Variants in ZNF471 observed in about 807,000 individuals in gnomAD.
ZNF471 encodes the protein zinc finger protein 471.
A neutral mutation model predicts 13.7 loss-of-function variants in ZNF471; 7 were observed. The ratio of observed to expected loss-of-function variants is 0.51; its 90% CI spans 0.29 to 0.96. The LOEUF is 0.96. ZNF471 is among the 40% of genes least tolerant of loss of function. ZNF471 has a pLI of 0.08. For synonymous variants in ZNF471, 218 were observed against 235.6 expected (o/e 0.93, Z 0.68); for missense variants, 663 against 743.3 (o/e 0.89, Z 1.26).
rs1051570694 is a variant in ZNF471, at chr19:56,526,280, C to A, written c.*332C>A. On this transcript the variant is annotated 3_prime_UTR_variant, in exon 5 of 5. Coordinates refer to ENST00000308031, the MANE Select transcript of ZNF471 (RefSeq NM_020813.4). ...TGCAAGGAGTCGGGGATCTCCCTCC[C>A]CTAGCCAAGGGAAGCCATGAGGGAC... The A allele has an allele frequency of 4.5e-6, 1 of 222,780 alleles. No homozygotes were observed. Among genetic ancestry groups the A allele is most frequent in the African/African-American group, 2.3e-5 (1 of 43,942 alleles). 13.8% of individuals were successfully genotyped at this position (222,780 alleles called of 1,614,324 possible).
chr19:56,512,208 C>T (rs904590087), intron 2 of ZNF471, among the ~76,000 whole-genome samples: 1 of 150,044 alleles, frequency 6.7e-6, no homozygotes, highest in African/African-American at 2.5e-5. Context: ...AGAAGTTATT[C>T]TCACCATGTA....
Position 56,516,412 on chromosome 19 carries a change from T to C in ZNF471, c.160+11T>C. 1 of 1,608,382 alleles carries C rather than the reference T, an allele frequency of 6.2e-7. No homozygotes were observed. Among genetic ancestry groups the C allele is most frequent in the Non-Finnish European group, 8.5e-7 (1 of 1,177,750 alleles). On this transcript the variant is annotated intron_variant, in intron 3 of 4. Transcript: ENST00000308031. This position sits in a 1 kb window ranked among gnomAD's most constrained non-coding sequence, Gnocchi z 4.4. The stretch of plus-strand genomic sequence containing the variant: ...GCCTGGTATCACTTGGTGAGGATCT[T>C]TTCCCTCCTGCATAATCTACCTTTA...
Position 56,508,076 on chromosome 19 carries a change from A to C in ZNF471, c.-56+156A>C, listed in dbSNP as rs1168477109. The C allele has an allele frequency of 1.0e-6, 1 of 985,172 alleles. No individual in the cohort carries two copies. Among genetic ancestry groups the C allele is most frequent in the African/African-American group, 1.7e-5 (1 of 57,238 alleles). The allele number at this position is 985,172 out of a possible 1,614,324, so 61.0% of individuals were successfully genotyped here. On this transcript the variant is annotated intron_variant, in intron 1 of 4. Coordinates refer to ENST00000308031, the MANE Select transcript of ZNF471 (RefSeq NM_020813.4). The surrounding 1 kb of genome is among the most constrained non-coding windows in gnomAD (Gnocchi z 4.7). Reference sequence around the variant, plus strand: ...GAGGCCAGCGGGGCGCGCGTACTCGAGTCTGCGGGGCGGAGGCCGCGGCTC... The same window carrying C: ...GAGGCCAGCGGGGCGCGCGTACTCGCGTCTGCGGGGCGGAGGCCGCGGCTC...
chr19:56,511,067 T>C, intron 1 of ZNF471: 1 of 978,608 alleles, frequency 1.0e-6, no homozygotes, highest in Non-Finnish European at 1.2e-6. Context: ...CTGGTGGCAT[T>C]TGGGAGTCAG....
Position 56,524,514 on chromosome 19 carries a change from T to A in ZNF471, c.447T>A (p.His149Gln), listed in dbSNP as rs2044017186. Reference sequence around the variant, plus strand: ...TTAGCAAGAAAGAAATAATCACTCATAAAGAAACCATCACTAAGGAAACAG... The same window carrying A: ...TTAGCAAGAAAGAAATAATCACTCAAAAAGAAACCATCACTAAGGAAACAG... ...EMFSKKEIIT[H>Q]KETITKETEF... The change falls in exon 5 of 5, where the codon CAT (histidine) becomes CAA (glutamine). Residue 149 changes from histidine (H) to glutamine (Q), a missense_variant. His to Gln is a conservative substitution (Grantham distance 24). Coordinates refer to ENST00000308031, the MANE Select transcript of ZNF471 (RefSeq NM_020813.4). The surrounding 1 kb of genome is among the most constrained non-coding windows in gnomAD (Gnocchi z 4.8). 6.2e-7 allele frequency: 1 copy of A among 1,605,068 alleles called. No homozygotes were observed. Among genetic ancestry groups the A allele is most frequent in the South Asian group, 1.1e-5 (1 of 88,544 alleles).
At chr19:56,520,332 A>C (rs528202935) in intron 4 of ZNF471, among the ~76,000 whole-genome samples, 1 of 152,292 alleles carries the variant, frequency 6.6e-6, no homozygotes, top group South Asian at 2.1e-4. Flanking sequence ...AATGAGGAAC[A>C]ACCATGGCTC....
At position 56,518,590 on chromosome 19, in the gene ZNF471, G is replaced by A; in HGVS notation, c.256+13G>A. The A allele has an allele frequency of 6.2e-7, 1 of 1,606,160 alleles. No homozygotes were observed. Among genetic ancestry groups the A allele is most frequent in the Non-Finnish European group, 8.5e-7 (1 of 1,174,658 alleles). On this transcript the variant is annotated intron_variant, in intron 4 of 4. Transcript: ENST00000308031. ...AGCCCATTCTCAGGTGAGTGTGGAA[G>A]AACCAGAGAGGGGAATCTTTTTGAC...
In ZNF471 at chr19:56,508,072, C is replaced by T; in HGVS notation, c.-56+152C>T. On this transcript the variant is annotated intron_variant, in intron 1 of 4. Coordinates refer to ENST00000308031, the MANE Select transcript of ZNF471 (RefSeq NM_020813.4). This position sits in a 1 kb window ranked among gnomAD's most constrained non-coding sequence, Gnocchi z 4.7. ...CCCAGAGGCCAGCGGGGCGCGCGTA[C>T]TCGAGTCTGCGGGGCGGAGGCCGCG... 1 of 985,348 alleles carries T rather than the reference C, an allele frequency of 1.0e-6. No homozygotes were observed. Among genetic ancestry groups the T allele is most frequent in the Non-Finnish European group, 1.2e-6 (1 of 829,838 alleles). 61.0% of individuals were successfully genotyped at this position (985,348 alleles called of 1,614,324 possible).
At position 56,525,401 on chromosome 19, in the gene ZNF471, C is replaced by T; in HGVS notation, c.1334C>T (p.Ser445Leu). The T allele has an allele frequency of 6.2e-7, 1 of 1,613,930 alleles. No individual in the cohort carries two copies. Among genetic ancestry groups the T allele is most frequent in the Non-Finnish European group, 8.5e-7 (1 of 1,179,972 alleles). The change falls in exon 5 of 5, where the codon TCA (serine) becomes TTA (leucine). Residue 445 changes from serine to leucine, a missense_variant. By Grantham distance (145) the Ser-to-Leu change is moderately radical. Coordinates refer to ENST00000308031, the MANE Select transcript of ZNF471 (RefSeq NM_020813.4). ...ICGKDFSHHA[S>L]LTQHQRVHSG... is the part of the protein sequence containing the mutation. Reference sequence around the variant, plus strand: ...GGGAAAGATTTTAGCCATCATGCATCACTCACTCAGCATCAAAGAGTACAT... The same window carrying T: ...GGGAAAGATTTTAGCCATCATGCATTACTCACTCAGCATCAAAGAGTACAT...
At chr19:56,520,001 C>T (rs1284180397) in intron 4 of ZNF471, among the ~76,000 whole-genome samples, 1 of 152,146 alleles carries the variant, frequency 6.6e-6, no homozygotes, top group African/African-American at 2.4e-5. Context: ...GGTTCAGTAT[C>T]ATTCCGGGTT....
rs532471929 is a variant in ZNF471, at chr19:56,530,185, C to A, written c.*4237C>A. The A allele has an allele frequency of 6.6e-6, 1 of 152,280 alleles. No homozygotes were observed. Among genetic ancestry groups the A allele is most frequent in the South Asian group, 2.1e-4 (1 of 4,830 alleles). The allele number at this position is 152,280 out of a possible 1,614,324, so 9.4% of individuals were successfully genotyped here. A position where few individuals can be genotyped will look rare whatever the true frequency, so the allele number is the denominator to read the frequency against. ...ACTAACATGATGACATCGTTATTAA[C>A]TACATAAACTTTATAAAGCTTAAAA... is the stretch of plus-strand genomic sequence containing the variant. On this transcript the variant is annotated 3_prime_UTR_variant, in exon 5 of 5. Coordinates refer to ENST00000308031, the MANE Select transcript of ZNF471 (RefSeq NM_020813.4).
At chr19:56,517,891 C>T (rs189401827) in intron 3 of ZNF471, among the ~76,000 whole-genome samples, 69 of 152,180 alleles carry the variant, frequency 4.5e-4, no homozygotes, top group African/African-American at 1.3e-3. Flanking sequence ...CTTGTAGTTT[C>T]GTTTCTGAGA....
intron 4 of ZNF471, among the ~76,000 whole-genome samples, chr19:56,519,439 T>C (rs1600515887): frequency 6.6e-6 from 1 of 152,156 alleles, no homozygotes; most frequent in Non-Finnish European, 1.5e-5. Flanking sequence ...CTAACCACCT[T>C]ATGTGATGAA....
At position 56,509,486 on chromosome 19, in the gene ZNF471, C is replaced by T. The variant is rs566052090; in HGVS notation, c.-56+1566C>T. Among the ~76,000 whole-genome samples, 73 of 152,290 alleles carry T rather than the reference C, an allele frequency of 4.8e-4. 1 individual carries two copies. The highest frequency in any genetic ancestry group is 2.2e-3 in the Admixed American group (33 of 15,296). On this transcript the variant is annotated intron_variant, in intron 1 of 4. Transcript: ENST00000308031. ...CGCAAGGAGGGGGTCATAGGAACCC[C>T]GATTTATAGCTAGTCAGAAGCACAA...
At chr19:56,512,069 A>G (rs933567191) in intron 2 of ZNF471, among the ~76,000 whole-genome samples, 4 of 151,954 alleles carry the variant, frequency 2.6e-5, no homozygotes, top group Non-Finnish European at 4.4e-5. Flanking sequence ...TGAATTACCA[A>G]CCTCATTCGT....
At chr19:56,520,103 AT>A (rs1568474090) in intron 4 of ZNF471, among the ~76,000 whole-genome samples, 1 of 152,166 alleles carries the variant, frequency 6.6e-6, no homozygotes, top group African/African-American at 2.4e-5. Context: ...CCCTGCTTGG[AT>A]GTACTTTATA....
At chr19:56,515,645 T>C (rs547493218) in intron 2 of ZNF471, among the ~76,000 whole-genome samples, 6 of 152,342 alleles carry the variant, frequency 3.9e-5, no homozygotes, top group East Asian at 1.9e-4. Flanking sequence ...TAAGAAGATA[T>C]TCATTTTCAA....
At position 56,510,576 on chromosome 19, in the gene ZNF471, A is replaced by G. The variant is rs2043796415; in HGVS notation, c.-55-941A>G. On this transcript the variant is annotated intron_variant, in intron 1 of 4. Coordinates refer to ENST00000308031, the MANE Select transcript of ZNF471 (RefSeq NM_020813.4). The surrounding 1 kb of genome is among the most constrained non-coding windows in gnomAD (Gnocchi z 4.3). ...ATATTCATGTCCTCAGGCAATGGAAATGTGACTGTGTATATGTGCTTGTTT... is the reference window on the plus strand; with the variant it reads ...ATATTCATGTCCTCAGGCAATGGAAGTGTGACTGTGTATATGTGCTTGTTT... The G allele has an allele frequency of 4.1e-6, 4 of 985,548 alleles. No individual in the cohort carries two copies. The highest frequency in any genetic ancestry group is 4.8e-6 in the Non-Finnish European group (4 of 829,990). The allele number at this position is 985,548 out of a possible 1,614,324, so 61.1% of individuals were successfully genotyped here. A position where few individuals can be genotyped will look rare whatever the true frequency, so the allele number is the denominator to read the frequency against.
chr19:56,526,885 AGGGGTG>A lies in ZNF471; in HGVS notation c.*939_*944del, dbSNP rs1229594306. The A allele has an allele frequency of 6.6e-6, 1 of 152,410 alleles. No homozygotes were observed. Among genetic ancestry groups the A allele is most frequent in the African/African-American group, 2.4e-5 (1 of 41,476 alleles). 9.4% of individuals were successfully genotyped at this position (152,410 alleles called of 1,614,324 possible). ...CCCTGGGACAAAGCACGTGGGGGAA[AGGGGTG>A]GCTGTGGGCACAGCTTCAGCAGACT... On this transcript the variant is annotated 3_prime_UTR_variant, in exon 5 of 5. Coordinates refer to ENST00000308031, the MANE Select transcript of ZNF471 (RefSeq NM_020813.4).
Sources: gnomAD v4.1 joint callset for allele counts (sites outside exome capture counted in the v4.1 genomes callset) on GRCh38, gnomAD v4.1.1 for gene constraint, Gnocchi (gnomAD v3.1) non-coding constraint, MANE v1.5 for transcripts, NCBI Gene and HGNC (gene_info 2026-07-23, HGNC 2026-07-21) for gene names.